BACH2: variants seen among roughly 807,000 people sequenced by gnomAD.
BACH2 encodes the protein transcription regulator protein BACH2.
Under a neutral mutation model 61.8 loss-of-function variants are expected in BACH2, and 5 were observed. The ratio of observed to expected loss-of-function variants is 0.08; its 90% CI spans 0.04 to 0.17. The LOEUF is 0.17. Ranked by LOEUF, BACH2 falls within the 10% of genes least tolerant of loss-of-function variation. The pLI, the probability that BACH2 is intolerant of heterozygous loss-of-function variation, is 1.00. For missense variants in BACH2, 824 were observed against 1,091.1 expected, an observed-to-expected ratio of 0.76 and a Z score of 3.45; for synonymous variants, 446 against 440.1, an observed-to-expected ratio of 1.01 and a Z score of -0.17.
chr6:90,231,035 C>T (rs1295989656), intron 3 of BACH2, among the ~76,000 whole-genome samples: 5 of 152,074 alleles, frequency 3.3e-5, no homozygotes, highest in East Asian at 3.9e-4. Flanking sequence ...CTCTCTCTGC[C>T]GAATTCCCTT....
intron 4 of BACH2, among the ~76,000 whole-genome samples, chr6:90,092,292 ATATATATATAT>A (rs1482707652): frequency 3.0e-5 from 3 of 98,958 alleles, no homozygotes; most frequent in Admixed American, 9.8e-5. Context: ...AAAAAAAAAA[ATATATATATAT>A]ATATATATAT....
rs71027920 is a variant in BACH2, at chr6:90,065,270, C to CTTTTTTTTTTTTTTT, written c.-13+23676_-13+23690dup. Among the ~76,000 whole-genome samples, 224 of 52,668 alleles carry CTTTTTTTTTTTTTTT rather than the reference C, an allele frequency of 4.3e-3. 27 individuals are homozygous for CTTTTTTTTTTTTTTT. Among genetic ancestry groups the CTTTTTTTTTTTTTTT allele is most frequent in the African/African-American group, 7.9e-3 (118 of 14,922 alleles). The allele number at this position is 52,668 out of a possible 152,430, so 34.6% of individuals were successfully genotyped here. A position where few individuals can be genotyped will look rare whatever the true frequency, so the allele number is the denominator to read the frequency against. On this transcript the variant is annotated intron_variant, in intron 5 of 8. Coordinates refer to ENST00000257749, the MANE Select transcript of BACH2 (RefSeq NM_021813.4). ...GCCACCCCACCCCCTGCCGCCCCCACTTTTTTTTTTTTTTTTTTTTTTTTT... is the reference window on the plus strand; with the variant it reads ...GCCACCCCACCCCCTGCCGCCCCCACTTTTTTTTTTTTTTTTTTTTTTTTTTTTTTTTTTTTTTTT...
chr6:90,097,497 A>C (rs1242282895), intron 4 of BACH2, among the ~76,000 whole-genome samples: 2 of 152,178 alleles, frequency 1.3e-5, no homozygotes, highest in African/African-American at 4.8e-5. Context: ...TGCAATGCTT[A>C]AATGAGCACT....
At chr6:89,933,798 G>A (rs994843281) in intron 8 of BACH2, among the ~76,000 whole-genome samples, 1 of 151,418 alleles carries the variant, frequency 6.6e-6, no homozygotes, top group African/African-American at 2.4e-5. Context: ...CCAGCTTGGG[G>A]AACATGGCAA....
chr6:89,999,113 G>A (rs971822130), intron 6 of BACH2, among the ~76,000 whole-genome samples: 3 of 152,206 alleles, frequency 2.0e-5, no homozygotes, highest in African/African-American at 7.2e-5. Context: ...AAAACACACC[G>A]TGCTTTCACT....
At chr6:90,001,906 T>G (rs545263858) in intron 6 of BACH2, among the ~76,000 whole-genome samples, 10 of 152,354 alleles carry the variant, frequency 6.6e-5, no homozygotes, top group Non-Finnish European at 1.0e-4. Context: ...ATGAAACCTC[T>G]TTTGACACCG....
At chr6:90,086,683 T>C (rs569387024) in intron 5 of BACH2, among the ~76,000 whole-genome samples, 1 of 152,286 alleles carries the variant, frequency 6.6e-6, no homozygotes, top group South Asian at 2.1e-4. Context: ...CTTTCCTTCC[T>C]GACCTGTAGA....
At chr6:90,040,063 C>T (rs1397337546) in intron 5 of BACH2, among the ~76,000 whole-genome samples, 4 of 146,802 alleles carry the variant, frequency 2.7e-5, no homozygotes, top group Non-Finnish European at 6.0e-5. Flanking sequence ...GTGGTATTTG[C>T]TGCTCAGAAA....
intron 1 of BACH2, among the ~76,000 whole-genome samples, chr6:90,285,957 C>A (rs774342253): frequency 2.6e-5 from 4 of 152,218 alleles, no homozygotes; most frequent in Non-Finnish European, 5.9e-5. Flanking sequence ...CTTGCAGTTT[C>A]TATTTTCCAA....
rs45553631 is a variant in BACH2 at position 90,271,938 on chromosome 6, C to T, written c.-442G>A. On this transcript the variant is annotated 5_prime_UTR_variant, in exon 2 of 9. Coordinates refer to ENST00000257749, the MANE Select transcript of BACH2 (RefSeq NM_021813.4). ...TAAAACTGGGAGCTATGTGAACGAA[C>T]GCGCTGAAAGACAAAACACGTTAGA... 0.27 allele frequency: 40,911 copies of T among 152,132 alleles called. 6,016 individuals are homozygous for T. Among genetic ancestry groups the T allele is most frequent in the Non-Finnish European group, 0.34 (23,053 of 67,934 alleles). 9.4% of individuals were successfully genotyped at this position (152,132 alleles called of 1,614,324 possible). A position where few individuals can be genotyped will look rare whatever the true frequency, so the allele number is the denominator to read the frequency against.
At chr6:90,215,142 A>G (rs1393909797) in intron 3 of BACH2, among the ~76,000 whole-genome samples, 1 of 152,060 alleles carries the variant, frequency 6.6e-6, no homozygotes, top group Non-Finnish European at 1.5e-5. Context: ...GCCTCTCCAC[A>G]GGGATCTAGT....
chr6:89,980,113 G>A (rs201754470), intron 6 of BACH2, among the ~76,000 whole-genome samples: 1 of 152,092 alleles, frequency 6.6e-6, no homozygotes, highest in Non-Finnish European at 1.5e-5. Context: ...TGGCCAACAT[G>A]GTGAAACCCC....
At position 89,932,286 on chromosome 6, in the gene BACH2, C is replaced by T. The variant is rs1772698824; in HGVS notation, c.*122G>A. 1.2e-5 allele frequency: 16 copies of T among 1,307,344 alleles called. 1 individual carries two copies. Among genetic ancestry groups the T allele is most frequent in the South Asian group, 1.1e-4 (8 of 73,024 alleles). The allele number at this position is 1,307,344 out of a possible 1,614,324, so 81.0% of individuals were successfully genotyped here. On this transcript the variant is annotated 3_prime_UTR_variant, in exon 9 of 9. Coordinates refer to ENST00000257749, the MANE Select transcript of BACH2 (RefSeq NM_021813.4). The stretch of plus-strand genomic sequence containing the variant: ...TTCGGAACAGTATTGCTGCTAAGAC[C>T]GCTGTAGTGTGCACCAAATGTGTTC...
intron 5 of BACH2, among the ~76,000 whole-genome samples, chr6:90,040,859 A>G (rs1332249651): frequency 1.3e-5 from 2 of 152,102 alleles, no homozygotes; most frequent in East Asian, 1.9e-4. Flanking sequence ...AACTTCCATT[A>G]TATCTTCTAA....
chr6:90,123,665 G>A lies in BACH2; in HGVS notation c.-161-34556C>T, dbSNP rs1013759926. Among the ~76,000 whole-genome samples the A allele has an allele frequency of 1.1e-4, 17 of 150,126 alleles. No homozygotes were observed. In the East Asian group the frequency reaches 3.3e-3, roughly 30 times the overall value. On this transcript the variant is annotated intron_variant, in intron 4 of 8. Transcript: ENST00000257749. ...GGCGCCTGTAGTCCCAGCTACTTGGGAGGCTGAGGCAGGAGAATGGCGTGA... is the reference window on the plus strand; with the variant it reads ...GGCGCCTGTAGTCCCAGCTACTTGGAAGGCTGAGGCAGGAGAATGGCGTGA...
At chr6:90,201,439 C>A (rs1768953398) in intron 4 of BACH2, among the ~76,000 whole-genome samples, 1 of 152,128 alleles carries the variant, frequency 6.6e-6, no homozygotes, top group Non-Finnish European at 1.5e-5. Context: ...TGAGGTTGAA[C>A]ATTTTTCTTC....
intron 3 of BACH2, among the ~76,000 whole-genome samples, chr6:90,207,408 T>C (rs1162319736): frequency 1.3e-5 from 2 of 152,200 alleles, no homozygotes; most frequent in Non-Finnish European, 2.9e-5. Flanking sequence ...CCACCATACC[T>C]GGCCAGTTTC....
At chr6:90,139,870 C>T (rs970124770) in intron 4 of BACH2, among the ~76,000 whole-genome samples, 3 of 152,174 alleles carry the variant, frequency 2.0e-5, no homozygotes, top group African/African-American at 7.2e-5. Context: ...ATCATTGTTT[C>T]AGACGGTTAA....
chr6:90,110,163 A>T (rs1232777464), intron 4 of BACH2, among the ~76,000 whole-genome samples: 1 of 152,206 alleles, frequency 6.6e-6, no homozygotes. Flanking sequence ...ACATGAAGAA[A>T]ATCTAGCTCA....
Sources: allele counts gnomAD v4.1 joint callset (sites outside exome capture counted in the v4.1 genomes callset), GRCh38; gene constraint gnomAD v4.1.1; transcripts MANE v1.5; gene names NCBI Gene and HGNC (gene_info 2026-07-23, HGNC 2026-07-21).